MYOM2: variants seen among roughly 807,000 people sequenced by gnomAD.
The protein encoded by MYOM2 is myomesin 2.
In MYOM2, 254 loss-of-function variants were observed where a neutral mutation model predicts 187.6. The ratio of observed to expected loss-of-function variants is 1.35; its 90% CI spans 1.22 to 1.50. The LOEUF (loss-of-function observed/expected upper bound fraction) is 1.50, where lower values mean the gene tolerates loss of function less well. Ranked by LOEUF, MYOM2 falls within the 40% of genes most tolerant of loss-of-function variation. The pLI is 0.00. For missense variants in MYOM2, 2,796 were observed against 1,924.0 expected (o/e 1.45, Z -8.48); for synonymous variants, 981 against 753.8 (o/e 1.30, Z -4.94).
At chr8:2,057,906 G>A in intron 5 of MYOM2, 126 bp downstream of exon 5, 1 of 889,252 alleles carries the variant, frequency 1.1e-6, no homozygotes, top group Non-Finnish European at 1.6e-6. Context: ...ACTCTAAGCA[G>A]AAATATGTTT....
intron 10 of MYOM2, 59 bp from the exon 11 acceptor site, chr8:2,076,082 T>A: frequency 1.9e-6 from 3 of 1,543,758 alleles, no homozygotes; most frequent in Non-Finnish European, 2.6e-6. Flanking sequence ...GTAAACAGGC[T>A]TTGCAGTGAC....
Position 2,073,446 on chromosome 8 carries a change from C to T in MYOM2, c.1066C>T (p.Arg356Cys), listed in dbSNP as rs755403026. The T allele has an allele frequency of 2.9e-5, 46 of 1,611,622 alleles. No homozygotes were observed. The Middle Eastern group carries it at 4.9e-4, about 17-fold the overall frequency. ...GGACGACGAGGGCCTGTACACCCTG[C>T]GCATCGTGTCTCGGGGCGGCGTCAG... ...HKDDEGLYTL[R>C]IVSRGGVSDH... is the part of the protein sequence containing the mutation. Residue 356 changes from arginine (R) to cysteine (C), a missense_variant, in exon 10 of 37, where the codon CGC (arginine) becomes TGC (cysteine). Coordinates refer to ENST00000262113, the MANE Select transcript of MYOM2 (RefSeq NM_003970.4).
intron 18 of MYOM2, chr8:2,097,162 T>A: frequency 1.1e-6 from 1 of 947,798 alleles, no homozygotes; most frequent in South Asian, 4.9e-5. Context: ...CCTTAGAAGA[T>A]CTAATCTTTG....
chr8:2,069,544 CAT>C (rs752456641), intron 8 of MYOM2, 47 bp downstream of exon 8: 1 of 1,595,378 alleles, frequency 6.3e-7, no homozygotes, highest in Non-Finnish European at 8.6e-7. Flanking sequence ...TGTTTAGTGA[CAT>C]AGCAGACAAT....
intron 1 of MYOM2, among the ~76,000 whole-genome samples, chr8:2,046,595 C>T (rs532553654): frequency 2.0e-5 from 3 of 152,286 alleles, no homozygotes; most frequent in East Asian, 3.9e-4. Flanking sequence ...CACTCAGCCC[C>T]CTGTTTTACA....
At chr8:2,129,095 T>A (rs761164202) in intron 31 of MYOM2, 32 bp from the exon 32 acceptor site, 3 of 1,532,904 alleles carry the variant, frequency 2.0e-6, no homozygotes, top group Middle Eastern at 1.7e-4. Context: ...GCACTCCTTT[T>A]CCTAGATCTG....
chr8:2,090,086 C>A lies in MYOM2; in HGVS notation c.1723C>A (p.Leu575Ile). The A allele has an allele frequency of 1.2e-6, 2 of 1,614,066 alleles. No individual in the cohort carries two copies. Among genetic ancestry groups the A allele is most frequent in the Non-Finnish European group, 1.7e-6 (2 of 1,180,006 alleles). The change falls in exon 15 of 37, where the codon CTC becomes ATC. Residue 575 changes from leucine (L) to isoleucine (I), a missense_variant. Transcript: ENST00000262113. ...VRSPRYAVFDLMEGKSYVFRV... is the reference protein window; with the variant it reads ...VRSPRYAVFDIMEGKSYVFRV... ...ATCCCCGAGATATGCCGTGTTTGAC[C>A]TCATGGAAGGGAAGTCTTATGTGTT...
chr8:2,048,856 C>A (rs569336974), intron 1 of MYOM2, among the ~76,000 whole-genome samples: 1 of 150,884 alleles, frequency 6.6e-6, no homozygotes. Flanking sequence ...GTGGCGCGAT[C>A]TCGGCTCACT....
intron 32 of MYOM2, among the ~76,000 whole-genome samples, chr8:2,130,050 C>T (rs962329603): frequency 6.6e-6 from 1 of 152,018 alleles, no homozygotes; most frequent in Non-Finnish European, 1.5e-5. Context: ...TGTCAAGGCA[C>T]CCAGATGTTA....
Position 2,059,211 on chromosome 8 carries a change from A to G in MYOM2, c.619A>G (p.Ser207Gly), listed in dbSNP as rs201615771. Residue 207 changes from serine to glycine, a missense_variant, in exon 6 of 37, where the codon AGC becomes GGC. Coordinates refer to ENST00000262113, the MANE Select transcript of MYOM2 (RefSeq NM_003970.4). ...AAEPGKYRIE[S>G]NYGVHTLEIN... ...TGAACCGGGAAAGTACAGGATTGAG[A>G]GCAACTATGGCGTACACACACTGGA... 6 of 1,614,232 alleles carry G rather than the reference A, an allele frequency of 3.7e-6. No individual in the cohort carries two copies. The African/African-American group carries it at 8.0e-5, about 22-fold the overall frequency.
In MYOM2 at chr8:2,109,390, T is replaced by C. The variant is rs772161881; in HGVS notation, c.3044-5T>C. ...ATTGACTTGCGATTTCTTTTCTTCC[T>C]GTAGCAATTCCTCTGAAATCGGAAT... On this transcript the variant is annotated splice_region_variant and splice_polypyrimidine_tract_variant and intron_variant, in intron 24 of 36. Coordinates refer to ENST00000262113, the MANE Select transcript of MYOM2 (RefSeq NM_003970.4). 4.1e-5 allele frequency: 65 copies of C among 1,598,476 alleles called. No individual in the cohort carries two copies. The highest frequency in any genetic ancestry group is 5.5e-5 in the Non-Finnish European group (64 of 1,173,620).
Position 2,136,594 on chromosome 8 carries a change from G to A in MYOM2, c.3801-4129G>A, listed in dbSNP as rs80183478. Reference sequence around the variant, plus strand: ...AATGATAAGTCACTCCAAAGGCCTAGGGCCGTCAGCATGAGGCCAGTGAAG... The same window carrying A: ...AATGATAAGTCACTCCAAAGGCCTAAGGCCGTCAGCATGAGGCCAGTGAAG... On this transcript the variant is annotated intron_variant, in intron 32 of 36. Coordinates refer to ENST00000262113, the MANE Select transcript of MYOM2 (RefSeq NM_003970.4). 2.6e-4 allele frequency among the ~76,000 whole-genome samples: 40 copies of A among 152,280 alleles called. 2 individuals carry two copies. In the East Asian group the frequency reaches 5.6e-3, roughly 21 times the overall value.
At chr8:2,138,622 G>A (rs1012865206) in intron 32 of MYOM2, among the ~76,000 whole-genome samples, 1 of 152,214 alleles carries the variant, frequency 6.6e-6, no homozygotes, top group African/African-American at 2.4e-5. Flanking sequence ...TGCTCACACT[G>A]CCCTGCCTTC....
Position 2,098,941 on chromosome 8 carries a change from A to G in MYOM2, c.2398A>G (p.Ser800Gly). The G allele has an allele frequency of 6.2e-7, 1 of 1,613,652 alleles. No individual in the cohort carries two copies. The highest frequency in any genetic ancestry group is 8.5e-7 in the Non-Finnish European group (1 of 1,179,888). The change falls in exon 19 of 37, where the codon AGT becomes GGT. Residue 800 changes from serine (S) to glycine (G), a missense_variant. Physicochemically the swap from Ser to Gly is moderately conservative, Grantham distance 56. Coordinates refer to ENST00000262113, the MANE Select transcript of MYOM2 (RefSeq NM_003970.4). ...CGGCATCGGGGAGCCCTCAGATCCC[A>G]GTGAGCACTTCAAGTGTGAGGCCTG... ...LAGIGEPSDPSEHFKCEAWTM... is the reference protein window; with the variant it reads ...LAGIGEPSDPGEHFKCEAWTM...
chr8:2,116,840 C>T (rs1797262288), intron 27 of MYOM2, among the ~76,000 whole-genome samples: 1 of 152,286 alleles, frequency 6.6e-6, no homozygotes, highest in African/African-American at 2.4e-5. Flanking sequence ...TCACTGCAAG[C>T]TCCGCCTCCC....
At chr8:2,051,057 T>C (rs1040075845) in intron 2 of MYOM2, among the ~76,000 whole-genome samples, 184 bp downstream of exon 2, 1 of 152,158 alleles carries the variant, frequency 6.6e-6, no homozygotes, top group African/African-American at 2.4e-5. Flanking sequence ...GCTGGCGTAG[T>C]GTTCTGGCAG....
At position 2,072,527 on chromosome 8, in the gene MYOM2, C is replaced by T. The variant is rs765798351; in HGVS notation, c.958+18C>T. On this transcript the variant is annotated intron_variant, in intron 9 of 36. Transcript: ENST00000262113. ...CCGCGATGGTGAGTAGGACACGGCC[C>T]AGACCCGGGCACACACCAGGAGGCT... 3.7e-6 allele frequency: 6 copies of T among 1,606,444 alleles called. No individual in the cohort carries two copies. In the East Asian group the frequency reaches 1.3e-4, roughly 36 times the overall value.
intron 24 of MYOM2, 107 bp downstream of exon 24, chr8:2,108,937 T>A: frequency 9.5e-7 from 1 of 1,055,586 alleles, no homozygotes; most frequent in Non-Finnish European, 1.4e-6. Flanking sequence ...AAGGATGGCC[T>A]GATTTCCTGA....
At chr8:2,093,894 G>T in intron 16 of MYOM2, 76 bp from the exon 17 acceptor site, 1 of 1,569,174 alleles carries the variant, frequency 6.4e-7, no homozygotes, top group South Asian at 1.2e-5. Flanking sequence ...GGCGCGTTCA[G>T]GGTGATTTTT....
Sources: gnomAD v4.1 joint callset for allele counts (sites outside exome capture counted in the v4.1 genomes callset) on GRCh38, gnomAD v4.1.1 for gene constraint, MANE v1.5 for transcripts, NCBI Gene and HGNC (gene_info 2026-07-23, HGNC 2026-07-21) for gene names.